The following ADORA2B variants were observed in gnomAD, a reference collection of about 807,000 sequenced individuals.
ADORA2B encodes the protein adenosine A2b receptor, also known as adenosine receptor A2b.
Under a neutral mutation model 20.8 loss-of-function variants are expected in ADORA2B, and 18 were observed. The observed-to-expected ratio is 0.87, with a 90% confidence interval of 0.60 to 1.29. The LOEUF (loss-of-function observed/expected upper bound fraction) is 1.29, where lower values mean the gene tolerates loss of function less well. Among genes scored for constraint, ADORA2B ranks in the 50% most tolerant of loss-of-function variants. The probability of loss-of-function intolerance (pLI) is 0.00; values close to 1 mark genes in which losing one functional copy is unlikely to be tolerated. For missense variants in ADORA2B, 441 were observed against 422.7 expected (o/e 1.04, Z -0.38); for synonymous variants, 179 against 178.3 (o/e 1.00, Z -0.03).
the ADORA2B span, among the ~76,000 whole-genome samples, chr17:15,884,727 A>C: frequency 6.6e-6 from 1 of 152,174 alleles, no homozygotes; most frequent in Non-Finnish European, 1.5e-5. Context: ...AGCTTCATCC[A>C]TGTCTCTGCA....
chr17:15,955,461 C>T (rs1046619577), intron 1 of ADORA2B, among the ~76,000 whole-genome samples: 2 of 149,310 alleles, frequency 1.3e-5, no homozygotes, highest in Non-Finnish European at 2.9e-5. Context: ...TGCAGTGGCA[C>T]GATCTGGGCT....
the ADORA2B span, among the ~76,000 whole-genome samples, chr17:15,876,244 A>G: frequency 6.6e-6 from 1 of 151,766 alleles, no homozygotes; most frequent in Non-Finnish European, 1.5e-5. Flanking sequence ...ATTTCCCTTT[A>G]TAATTTTGTG....
chr17:15,948,894 G>T (rs908370313), intron 1 of ADORA2B, among the ~76,000 whole-genome samples: 3 of 152,074 alleles, frequency 2.0e-5, no homozygotes, highest in African/African-American at 7.2e-5. Flanking sequence ...GGTTCTGAAT[G>T]TTTTTCAAAA....
chr17:15,965,344 A>G (rs1221011554), intron 1 of ADORA2B, among the ~76,000 whole-genome samples: 2 of 152,116 alleles, frequency 1.3e-5, no homozygotes, highest in Non-Finnish European at 2.9e-5. Flanking sequence ...CTTGCCAGGC[A>G]GTGTTAGGTG....
the ADORA2B span, among the ~76,000 whole-genome samples, chr17:15,936,068 G>C: frequency 6.6e-6 from 1 of 151,664 alleles, no homozygotes; most frequent in African/African-American, 2.4e-5. Flanking sequence ...GTAGAGACGG[G>C]GTTTCAACAT....
At chr17:15,898,571 G>A in the ADORA2B span, among the ~76,000 whole-genome samples, 2 of 150,858 alleles carry the variant, frequency 1.3e-5, no homozygotes, top group Non-Finnish European at 2.9e-5. Flanking sequence ...GTTTCACCAT[G>A]TTGGCCAGGC....
the ADORA2B span, among the ~76,000 whole-genome samples, chr17:15,888,178 C>G: frequency 1.6e-5 from 2 of 127,964 alleles, no homozygotes; most frequent in African/African-American, 6.7e-5. Flanking sequence ...GCAGCAGATA[C>G]GAAAGAAATC....
chr17:15,929,567 G>C, the ADORA2B span, among the ~76,000 whole-genome samples: 1 of 152,148 alleles, frequency 6.6e-6, no homozygotes, highest in Non-Finnish European at 1.5e-5. Flanking sequence ...CTGCCCACCC[G>C]CATTCACAGC....
At chr17:15,888,850 ATTTTTTTTTTTT>A in the ADORA2B span, among the ~76,000 whole-genome samples, 1 of 6,728 alleles carries the variant, frequency 1.5e-4, no homozygotes, top group Non-Finnish European at 2.2e-4. Context: ...ATATATATAT[ATTTTTTTTTTTT>A]TTTTTTTTTT....
chr17:15,958,531 C>G (rs1969998295), intron 1 of ADORA2B, among the ~76,000 whole-genome samples: 2 of 152,148 alleles, frequency 1.3e-5, no homozygotes, highest in African/African-American at 4.8e-5. Flanking sequence ...GGATGTCATC[C>G]CAGATCTCTC....
the ADORA2B span, among the ~76,000 whole-genome samples, chr17:15,924,120 C>T: frequency 6.6e-6 from 1 of 152,112 alleles, no homozygotes; most frequent in African/African-American, 2.4e-5. Context: ...GCCATGTTGG[C>T]CAGGCTGGTC....
the ADORA2B span, among the ~76,000 whole-genome samples, chr17:15,933,808 C>T: frequency 2.0e-4 from 31 of 151,778 alleles, no homozygotes; most frequent in African/African-American, 7.5e-4. Flanking sequence ...AGTTTTAGTT[C>T]TCCTTTCTAA....
At chr17:15,892,465 G>A in the ADORA2B span, among the ~76,000 whole-genome samples, 1 of 150,234 alleles carries the variant, frequency 6.7e-6, no homozygotes, top group South Asian at 2.1e-4. Context: ...CACCGTGCTC[G>A]GCCGAATTTT....
intron 1 of ADORA2B, among the ~76,000 whole-genome samples, chr17:15,946,091 G>C (rs1024536537): frequency 6.6e-6 from 1 of 152,194 alleles, no homozygotes; most frequent in Non-Finnish European, 1.5e-5. Flanking sequence ...CTGGGCATTC[G>C]CACCGTCAGA....
chr17:15,957,956 A>T (rs538446918), intron 1 of ADORA2B, among the ~76,000 whole-genome samples: 1 of 151,598 alleles, frequency 6.6e-6, no homozygotes, highest in East Asian at 1.9e-4. Flanking sequence ...TTTTTTAAAC[A>T]TAGAGAACTA....
At chr17:15,963,583 T>G (rs950015990) in intron 1 of ADORA2B, among the ~76,000 whole-genome samples, 1 of 152,168 alleles carries the variant, frequency 6.6e-6, no homozygotes, top group African/African-American at 2.4e-5. Context: ...GCTTATTTTA[T>G]GGGAAGGAGA....
intron 1 of ADORA2B, among the ~76,000 whole-genome samples, chr17:15,964,315 A>C (rs1038628842): frequency 7.9e-5 from 12 of 152,174 alleles, no homozygotes; most frequent in African/African-American, 2.9e-4. Context: ...GTTTAAAATG[A>C]TGAATTTTAG....
chr17:15,854,746 C>T, the ADORA2B span, among the ~76,000 whole-genome samples: 1 of 152,158 alleles, frequency 6.6e-6, no homozygotes, highest in Non-Finnish European at 1.5e-5. Flanking sequence ...CAATGGCCCT[C>T]CTCACTCATG....
chr17:15,850,809 A>G, the ADORA2B span: 1 of 153,298 alleles, frequency 6.5e-6, no homozygotes, highest in African/African-American at 2.4e-5. Flanking sequence ...AAATTGGATT[A>G]TACTACACGT....
Sources: gnomAD v4.1 joint callset for allele counts (sites outside exome capture counted in the v4.1 genomes callset) on GRCh38, gnomAD v4.1.1 for gene constraint, MANE v1.5 for transcripts, NCBI Gene and HGNC (gene_info 2026-07-23, HGNC 2026-07-21) for gene names.